The following WDR93 variants were observed in gnomAD, a reference collection of about 807,000 sequenced individuals.
The protein encoded by WDR93 is WD repeat-containing protein 93.
Under a neutral mutation model 82.9 loss-of-function variants are expected in WDR93, and 73 were observed. That is an observed-to-expected ratio of 0.88 (90% CI 0.73 to 1.07). The LOEUF is 1.07. Ranked by LOEUF, WDR93 falls within the 50% of genes least tolerant of loss-of-function variation. The pLI is 0.00. For missense variants in WDR93, 738 were observed against 826.0 expected (o/e 0.89, Z 1.31); for synonymous variants, 283 against 300.1 (o/e 0.94, Z 0.59).
Position 89,706,093 on chromosome 15 carries a change from C to G in WDR93, c.561+475C>G, listed in dbSNP as rs558443582. Among the ~76,000 whole-genome samples the G allele has an allele frequency of 4.6e-5, 7 of 152,268 alleles. No individual in the cohort carries two copies. The South Asian group carries it at 1.0e-3, about 23-fold the overall frequency. On this transcript the variant is annotated intron_variant, in intron 4 of 16. Coordinates refer to ENST00000268130, the MANE Select transcript of WDR93 (RefSeq NM_020212.2). Reference sequence around the variant, plus strand: ...ATACCCAAGAGGAGCTGATCTCTCCCTGCTTTGTGCCACTGACAAAGAGAA... The same window carrying G: ...ATACCCAAGAGGAGCTGATCTCTCCGTGCTTTGTGCCACTGACAAAGAGAA...
At chr15:89,727,611 A>G (rs1157464640) in intron 9 of WDR93, among the ~76,000 whole-genome samples, 1 of 152,316 alleles carries the variant, frequency 6.6e-6, no homozygotes, top group Non-Finnish European at 1.5e-5. Flanking sequence ...GAACATCAGC[A>G]GATATTTTGA....
intron 5 of WDR93, among the ~76,000 whole-genome samples, chr15:89,713,436 C>T (rs1966091365): frequency 6.6e-6 from 1 of 151,670 alleles, no homozygotes; most frequent in African/African-American, 2.4e-5. Flanking sequence ...TTGTCCAAGC[C>T]CCCTCCAATG....
In WDR93 at chr15:89,738,261, C is replaced by T. The variant is rs765561662; in HGVS notation, c.1961+25C>T. 7 of 1,555,236 alleles carry T rather than the reference C, an allele frequency of 4.5e-6. No homozygotes were observed. In the East Asian group the frequency reaches 9.1e-5, roughly 20 times the overall value. ...GGTAAAGAGCTCTGTGTCTTCACCCCCTCCCACATCTGAGGTTGTCTCTGG... is the reference window on the plus strand; with the variant it reads ...GGTAAAGAGCTCTGTGTCTTCACCCTCTCCCACATCTGAGGTTGTCTCTGG... On this transcript the variant is annotated intron_variant, in intron 16 of 16. Coordinates refer to ENST00000268130, the MANE Select transcript of WDR93 (RefSeq NM_020212.2).
intron 4 of WDR93, among the ~76,000 whole-genome samples, chr15:89,706,184 G>A (rs1965719180): frequency 6.6e-6 from 1 of 152,188 alleles, no homozygotes; most frequent in Non-Finnish European, 1.5e-5. Context: ...TGCTTCTCCT[G>A]AGGGAAGAGG....
chr15:89,743,338 G>T lies in WDR93; in HGVS notation c.2008G>T (p.Ala670Ser), dbSNP rs1967825245. The T allele has an allele frequency of 6.2e-7, 1 of 1,614,092 alleles. No homozygotes were observed. Among genetic ancestry groups the T allele is most frequent in the Admixed American group, 1.7e-5 (1 of 60,014 alleles). The change falls in exon 17 of 17, where the codon GCC becomes TCC. Residue 670 changes from alanine (A) to serine (S), a missense_variant. Physicochemically the swap from Ala to Ser is moderately conservative, Grantham distance 99. Transcript: ENST00000268130. ...KNPEKEEEHW[A>S]RLQRYSLSLQ... ...CCCAGAGAAGGAGGAGGAGCACTGGGCCCGGCTTCAGAGGTACTCCTTGTC... is the reference window on the plus strand; with the variant it reads ...CCCAGAGAAGGAGGAGGAGCACTGGTCCCGGCTTCAGAGGTACTCCTTGTC...
chr15:89,728,768 G>C (rs1966834439), intron 9 of WDR93, among the ~76,000 whole-genome samples: 1 of 152,162 alleles, frequency 6.6e-6, no homozygotes, highest in Non-Finnish European at 1.5e-5. Flanking sequence ...AAAGACAGCT[G>C]TCTCTGGCAA....
intron 4 of WDR93, among the ~76,000 whole-genome samples, chr15:89,709,727 C>T (rs1207586875): frequency 6.6e-6 from 1 of 152,032 alleles, no homozygotes; most frequent in African/African-American, 2.4e-5. Context: ...GCTGAGATTA[C>T]AGGTGAGGTA....
In WDR93 at chr15:89,743,313, C is replaced by T. The variant is rs578176991; in HGVS notation, c.1983C>T (p.Asn661=). The T allele has an allele frequency of 1.5e-5, 25 of 1,614,092 alleles. No homozygotes were observed. The South Asian group carries it at 2.6e-4, about 17-fold the overall frequency. Residue 661 remains asparagine (N), a synonymous_variant, in exon 17 of 17, where the codon AAC becomes AAT. Coordinates refer to ENST00000268130, the MANE Select transcript of WDR93 (RefSeq NM_020212.2). ...LQKSYRKLEK[N]PEKEEEHWAR... The stretch of plus-strand genomic sequence containing the variant: ...TCAGCTATCGGAAGCTGGAGAAGAA[C>T]CCAGAGAAGGAGGAGGAGCACTGGG...
chr15:89,708,732 G>T (rs1965831766), intron 4 of WDR93, among the ~76,000 whole-genome samples: 1 of 152,194 alleles, frequency 6.6e-6, no homozygotes, highest in South Asian at 2.1e-4. Flanking sequence ...GGGTATGGAG[G>T]TCGCAAATGT....
intron 3 of WDR93, chr15:89,703,384 C>T (rs1237150022): frequency 1.8e-6 from 1 of 541,310 alleles, no homozygotes; most frequent in East Asian, 3.0e-5. Flanking sequence ...TATTCCTGTT[C>T]AGAAGAGGCA....
chr15:89,691,528 G>T (rs1208470746), intron 1 of WDR93, among the ~76,000 whole-genome samples: 1 of 152,184 alleles, frequency 6.6e-6, no homozygotes, highest in Non-Finnish European at 1.5e-5. Flanking sequence ...GACCAGCCTG[G>T]CCAACAGGGT....
At position 89,694,055 on chromosome 15, in the gene WDR93, T is replaced by C. The variant is rs1425394495; in HGVS notation, c.-41+3198T>C. Among the ~76,000 whole-genome samples the C allele has an allele frequency of 2.0e-5, 3 of 152,166 alleles. No homozygotes were observed. In the East Asian group the frequency reaches 5.8e-4, roughly 29 times the overall value. On this transcript the variant is annotated intron_variant, in intron 1 of 16. Transcript: ENST00000268130. ...TCTTATTGTACATCTTCAACAACAC[T>C]TTCATGGTCTATCTTTTTAACTTTA...
In WDR93 at chr15:89,729,676, C is replaced by G. The variant is rs377638764; in HGVS notation, c.1124-7C>G. On this transcript the variant is annotated splice_polypyrimidine_tract_variant and splice_region_variant and intron_variant, in intron 10 of 16. Transcript: ENST00000268130. Reference sequence around the variant, plus strand: ...CATTTTCTGTCTTTCCCCCGCCCCCCCACCAGGAATGGCCTGTGTCCTTGG... The same window carrying G: ...CATTTTCTGTCTTTCCCCCGCCCCCGCACCAGGAATGGCCTGTGTCCTTGG... 1.2e-6 allele frequency: 2 copies of G among 1,611,628 alleles called. No homozygotes were observed. The highest frequency in any genetic ancestry group is 1.7e-6 in the Non-Finnish European group (2 of 1,179,144).
chr15:89,706,075 A>G (rs1965713792), intron 4 of WDR93, among the ~76,000 whole-genome samples: 2 of 152,116 alleles, frequency 1.3e-5, no homozygotes, highest in African/African-American at 4.8e-5. Context: ...TATATACCCA[A>G]GAGGAGCTGA....
intron 8 of WDR93, among the ~76,000 whole-genome samples, chr15:89,724,241 T>C (rs1966641956): frequency 6.6e-6 from 1 of 151,308 alleles, no homozygotes; most frequent in South Asian, 2.1e-4. Flanking sequence ...ACTTGGGAGG[T>C]TAAAGCGGGA....
intron 10 of WDR93, 131 bp from the exon 11 acceptor site, chr15:89,729,552 C>T: frequency 1.5e-6 from 1 of 683,680 alleles, no homozygotes; most frequent in South Asian, 1.8e-5. Context: ...TGGGTGCTGC[C>T]CATTAAAACA....
At chr15:89,718,440 C>A (rs983096784) in intron 7 of WDR93, among the ~76,000 whole-genome samples, 1 of 151,790 alleles carries the variant, frequency 6.6e-6, no homozygotes, top group East Asian at 1.9e-4. Context: ...CACCACTGCA[C>A]TCCAGCCTGG....
chr15:89,724,946 G>T (rs1172000479), intron 8 of WDR93, among the ~76,000 whole-genome samples: 1 of 152,192 alleles, frequency 6.6e-6, no homozygotes, highest in Non-Finnish European at 1.5e-5. Context: ...CTATGACACA[G>T]TATTTACACT....
At chr15:89,725,560 T>C (rs566801843) in intron 8 of WDR93, among the ~76,000 whole-genome samples, 4 of 139,016 alleles carry the variant, frequency 2.9e-5, no homozygotes, top group Non-Finnish European at 4.7e-5. Flanking sequence ...TTTTTTTTCT[T>C]TTTTCTTTTC....
Sources: allele counts gnomAD v4.1 joint callset (sites outside exome capture counted in the v4.1 genomes callset), GRCh38; gene constraint gnomAD v4.1.1; transcripts MANE v1.5; gene names NCBI Gene and HGNC (gene_info 2026-07-23, HGNC 2026-07-21).